Variants in IGSF10 observed in about 807,000 individuals in gnomAD.
IGSF10 encodes immunoglobulin superfamily member 10.
IGSF10 carries 126 observed loss-of-function variants against 128.2 expected under a neutral mutation model. That is an observed-to-expected ratio of 0.98 (90% CI 0.85 to 1.14). The LOEUF is 1.14. Among genes scored for constraint, IGSF10 ranks in the 50% most tolerant of loss-of-function variants. The probability of loss-of-function intolerance (pLI) is 0.00; values close to 1 mark genes in which losing one functional copy is unlikely to be tolerated. For synonymous variants in IGSF10, 1,185 were observed against 1,146.2 expected (o/e 1.03, Z -0.68); for missense variants, 3,295 against 3,149.8 (o/e 1.05, Z -1.10).
At chr3:151,612,436 T>A in the IGSF10 span, among the ~76,000 whole-genome samples, 3 of 152,164 alleles carry the variant, frequency 2.0e-5, no homozygotes, top group Non-Finnish European at 4.4e-5. Context: ...CAGGTGGTGA[T>A]TAGCCTCCAA....
At chr3:151,615,199 C>T in the IGSF10 span, among the ~76,000 whole-genome samples, 2 of 152,036 alleles carry the variant, frequency 1.3e-5, no homozygotes, top group Non-Finnish European at 2.9e-5. Flanking sequence ...CTGAAAGCTA[C>T]TTCATTTATA....
chr3:151,525,028 TTTTTTTTTTTTTTTTTA>T, the IGSF10 span, among the ~76,000 whole-genome samples: 63 of 108,690 alleles, frequency 5.8e-4, no homozygotes, highest in South Asian at 6.0e-3. Flanking sequence ...TTTTTTTTTT[TTTTTTTTTTTTTTTTTA>T]AAGAGAGCCT....
upstream of IGSF10, among the ~76,000 whole-genome samples, chr3:151,461,718 T>C (rs1722068196): frequency 6.6e-6 from 1 of 152,218 alleles, no homozygotes; most frequent in Non-Finnish European, 1.5e-5. Flanking sequence ...TTCTCTGATC[T>C]ACATTTTTCC....
At chr3:151,617,260 CTCTTCTTCTTCTTCTTCTTCTTCT>C in the IGSF10 span, among the ~76,000 whole-genome samples, 36 of 55,748 alleles carry the variant, frequency 6.5e-4, no homozygotes, top group South Asian at 0.011. Flanking sequence ...TCTTCTCCTT[CTCTTCTTCTTCTTCTTCTTCTTCT>C]TCTTCTTCTT....
At chr3:151,548,065 A>C in the IGSF10 span, among the ~76,000 whole-genome samples, 1 of 152,146 alleles carries the variant, frequency 6.6e-6, no homozygotes, top group Admixed American at 6.5e-5. Flanking sequence ...TTGAATCTGC[A>C]TGGCCAGTAA....
At chr3:151,498,018 G>A in the IGSF10 span, among the ~76,000 whole-genome samples, 1 of 152,148 alleles carries the variant, frequency 6.6e-6, no homozygotes, top group Non-Finnish European at 1.5e-5. Flanking sequence ...TTTGCACATT[G>A]ATTTTGTATC....
the IGSF10 span, among the ~76,000 whole-genome samples, chr3:151,512,028 C>A: frequency 2.0e-5 from 3 of 152,114 alleles, no homozygotes; most frequent in African/African-American, 7.2e-5. Flanking sequence ...GACTTTAACA[C>A]CCCACTGTCA....
the IGSF10 span, among the ~76,000 whole-genome samples, chr3:151,499,351 G>A: frequency 3.3e-5 from 5 of 152,106 alleles, no homozygotes; most frequent in Admixed American, 3.3e-4. Context: ...GCATTGGCAG[G>A]GAAATTTGTA....
chr3:151,469,338 T>C, the IGSF10 span, among the ~76,000 whole-genome samples: 2 of 152,166 alleles, frequency 1.3e-5, no homozygotes, highest in African/African-American at 4.8e-5. Flanking sequence ...GCTGAAATAA[T>C]TTACATTCTG....
At chr3:151,500,988 T>TAA in the IGSF10 span, among the ~76,000 whole-genome samples, 1 of 152,116 alleles carries the variant, frequency 6.6e-6, no homozygotes. Flanking sequence ...TATGTATCTA[T>TAA]AATGTCAAGG....
At chr3:151,588,512 A>C in the IGSF10 span, among the ~76,000 whole-genome samples, 15 of 152,220 alleles carry the variant, frequency 9.9e-5, no homozygotes, top group Non-Finnish European at 1.5e-5. Context: ...TGGGAAATGC[A>C]TATACACACT....
chr3:151,440,707 A>AT (rs1212030894), intron 7 of IGSF10: 1 of 381,100 alleles, frequency 2.6e-6, no homozygotes, highest in Non-Finnish European at 5.4e-6. Flanking sequence ...GTTTAAAATA[A>AT]TAATGATGTC....
At chr3:151,478,386 C>T in the IGSF10 span, among the ~76,000 whole-genome samples, 4 of 152,124 alleles carry the variant, frequency 2.6e-5, no homozygotes, top group African/African-American at 9.7e-5. Flanking sequence ...ACTTAAAATC[C>T]AGGACTAAAT....
chr3:151,436,548 A>G lies in IGSF10; in HGVS notation c.*141T>C, dbSNP rs1448089442. 2 of 608,474 alleles carry G rather than the reference A, an allele frequency of 3.3e-6. No homozygotes were observed. Among genetic ancestry groups the G allele is most frequent in the Admixed American group, 6.7e-5 (2 of 29,860 alleles). The allele number at this position is 608,474 out of a possible 1,614,324, so 37.7% of individuals were successfully genotyped here. A position where few individuals can be genotyped will look rare whatever the true frequency, so the allele number is the denominator to read the frequency against. On this transcript the variant is annotated 3_prime_UTR_variant, in exon 8 of 8. Coordinates refer to ENST00000282466, the MANE Select transcript of IGSF10 (RefSeq NM_178822.5). ...TCAGTTCATAATGCATTTATTTACA[A>G]GTCCTTTTATTTTGCATGTTCATTG...
the IGSF10 span, among the ~76,000 whole-genome samples, chr3:151,605,866 C>T: frequency 6.6e-6 from 1 of 152,168 alleles, no homozygotes; most frequent in African/African-American, 2.4e-5. Context: ...AAAGCTTAGA[C>T]TATATCAGAA....
At chr3:151,525,001 C>G in the IGSF10 span, among the ~76,000 whole-genome samples, 2 of 106,852 alleles carry the variant, frequency 1.9e-5, no homozygotes, top group African/African-American at 6.8e-5. Context: ...ATGCATTACA[C>G]CTTTTTTTTT....
At chr3:151,576,561 CT>C in the IGSF10 span, among the ~76,000 whole-genome samples, 1 of 152,148 alleles carries the variant, frequency 6.6e-6, no homozygotes, top group African/African-American at 2.4e-5. Flanking sequence ...GGCAGGACTT[CT>C]TTTAGAAGAT....
At position 151,453,367 on chromosome 3, in the gene IGSF10, A is replaced by T. The variant is rs779714756; in HGVS notation, c.715+17T>A. 1.3e-6 allele frequency: 2 copies of T among 1,543,972 alleles called. No homozygotes were observed. Among genetic ancestry groups the T allele is most frequent in the Non-Finnish European group, 1.7e-6 (2 of 1,151,090 alleles). ...TCCTCCACTTAATTGGGACAAAAAA[A>T]TAAACAATATAGATACCTGGCTTCT... is the stretch of plus-strand genomic sequence containing the variant. On this transcript the variant is annotated intron_variant, in intron 5 of 7. Coordinates refer to ENST00000282466, the MANE Select transcript of IGSF10 (RefSeq NM_178822.5).
At chr3:151,534,378 A>G in the IGSF10 span, among the ~76,000 whole-genome samples, 1 of 152,342 alleles carries the variant, frequency 6.6e-6, no homozygotes, top group South Asian at 2.1e-4. Context: ...TGCACTGTTC[A>G]CAATAGCAAA....
Sources: allele counts gnomAD v4.1 joint callset (sites outside exome capture counted in the v4.1 genomes callset), GRCh38; gene constraint gnomAD v4.1.1; transcripts MANE v1.5; gene names NCBI Gene and HGNC (gene_info 2026-07-23, HGNC 2026-07-21).